Variants in RSRC1 observed in about 807,000 individuals in gnomAD.
RSRC1 encodes serine/Arginine-related protein 53.
RSRC1 carries 39 observed loss-of-function variants against 49.1 expected under a neutral mutation model. That is an observed-to-expected ratio of 0.79 (90% CI 0.61 to 1.04). The LOEUF is 1.04. Among genes scored for constraint, RSRC1 ranks in the 50% least tolerant of loss-of-function variants. The pLI, the probability that RSRC1 is intolerant of heterozygous loss-of-function variation, is 0.00. For missense variants in RSRC1, 388 were observed against 402.4 expected, an observed-to-expected ratio of 0.96 and a Z score of 0.31; for synonymous variants, 143 against 130.8, an observed-to-expected ratio of 1.09 and a Z score of -0.63.
chr3:158,200,329 C>T (rs1184959585), intron 3 of RSRC1, among the ~76,000 whole-genome samples: 3 of 152,184 alleles, frequency 2.0e-5, no homozygotes, highest in Non-Finnish European at 1.5e-5. Flanking sequence ...TGAGCTACCA[C>T]GCCCGGCCTG....
At chr3:158,497,454 T>G (rs1159553518) in intron 7 of RSRC1, among the ~76,000 whole-genome samples, 1 of 149,664 alleles carries the variant, frequency 6.7e-6, no homozygotes, top group Non-Finnish European at 1.5e-5. Flanking sequence ...TTTTTTTTTT[T>G]GAGATGGAGT....
intron 6 of RSRC1, among the ~76,000 whole-genome samples, chr3:158,442,193 G>A (rs1299577395): frequency 6.6e-6 from 1 of 152,082 alleles, no homozygotes; most frequent in Non-Finnish European, 1.5e-5. Flanking sequence ...TGGGATGGCT[G>A]TGGCAGTTTC....
intron 4 of RSRC1, among the ~76,000 whole-genome samples, chr3:158,239,331 G>A (rs1664373053): frequency 6.6e-6 from 1 of 152,160 alleles, no homozygotes; most frequent in Admixed American, 6.5e-5. Context: ...AACTAGAAAT[G>A]CCATTTGACA....
chr3:158,213,006 T>A (rs952849459), intron 4 of RSRC1, among the ~76,000 whole-genome samples: 6 of 151,940 alleles, frequency 3.9e-5, no homozygotes, highest in African/African-American at 1.4e-4. Context: ...TGGAACAGAT[T>A]GGAATAAACC....
At chr3:158,207,681 A>G (rs748315895) in intron 4 of RSRC1, among the ~76,000 whole-genome samples, 3 of 152,192 alleles carry the variant, frequency 2.0e-5, no homozygotes, top group Non-Finnish European at 4.4e-5. Flanking sequence ...AGACAGACAG[A>G]CAGACAGGAC....
At chr3:158,407,883 A>T (rs577620651) in intron 6 of RSRC1, among the ~76,000 whole-genome samples, 1 of 152,298 alleles carries the variant, frequency 6.6e-6, no homozygotes, top group Non-Finnish European at 1.5e-5. Flanking sequence ...CTTACAGATC[A>T]TAGAATTCTT....
chr3:158,263,589 G>A (rs962670451), intron 4 of RSRC1, among the ~76,000 whole-genome samples: 11 of 152,184 alleles, frequency 7.2e-5, no homozygotes, highest in African/African-American at 2.6e-4. Flanking sequence ...AGTGTGTAGA[G>A]AATTTGTATT....
chr3:158,247,004 T>G (rs1443459798), intron 4 of RSRC1, among the ~76,000 whole-genome samples: 1 of 152,136 alleles, frequency 6.6e-6, no homozygotes, highest in Non-Finnish European at 1.5e-5. Context: ...TCCCTCACTT[T>G]CAGGTACCCC....
intron 4 of RSRC1, among the ~76,000 whole-genome samples, chr3:158,203,755 G>C (rs1721203295): frequency 6.6e-6 from 1 of 152,124 alleles, no homozygotes; most frequent in South Asian, 2.1e-4. Flanking sequence ...ATTAGGGTAT[G>C]TGTGTGTTTG....
chr3:158,206,623 A>G (rs1238936620), intron 4 of RSRC1, among the ~76,000 whole-genome samples: 1 of 152,130 alleles, frequency 6.6e-6, no homozygotes, highest in African/African-American at 2.4e-5. Flanking sequence ...ACGTAAAAAG[A>G]TAAGCATCGG....
At chr3:158,393,647 A>T (rs1733450545) in intron 6 of RSRC1, among the ~76,000 whole-genome samples, 1 of 152,038 alleles carries the variant, frequency 6.6e-6, no homozygotes, top group Non-Finnish European at 1.5e-5. Context: ...ACAAGTAATG[A>T]GTTTTGAAAT....
chr3:158,429,020 G>A (rs889691242), intron 6 of RSRC1, among the ~76,000 whole-genome samples: 5 of 151,826 alleles, frequency 3.3e-5, no homozygotes, highest in Non-Finnish European at 5.9e-5. Context: ...AGTTCAAATG[G>A]CAGCCTCCTG....
intron 7 of RSRC1, among the ~76,000 whole-genome samples, chr3:158,523,882 A>T (rs182540312): frequency 6.6e-6 from 1 of 152,062 alleles, no homozygotes; most frequent in Admixed American, 6.6e-5. Flanking sequence ...CTCAATAAGT[A>T]TTGTTCTTTG....
chr3:158,135,941 G>A (rs1716345901), intron 3 of RSRC1, among the ~76,000 whole-genome samples: 1 of 152,128 alleles, frequency 6.6e-6, no homozygotes, highest in African/African-American at 2.4e-5. Context: ...CCTTAGGCTG[G>A]GATTTCCTTA....
At chr3:158,486,449 A>G (rs1211398106) in intron 7 of RSRC1, among the ~76,000 whole-genome samples, 5 of 152,120 alleles carry the variant, frequency 3.3e-5, no homozygotes, top group Non-Finnish European at 7.4e-5. Flanking sequence ...TTTGCAGCCT[A>G]TTGAGGGGGA....
At chr3:158,198,642 C>A (rs572651642) in intron 3 of RSRC1, among the ~76,000 whole-genome samples, 22 of 152,144 alleles carry the variant, frequency 1.4e-4, no homozygotes, top group African/African-American at 4.6e-4. Flanking sequence ...TGTTCCTTTC[C>A]ATGTTTAGTG....
At position 158,203,207 on chromosome 3, in the gene RSRC1, T is replaced by A. The variant is rs376742600; in HGVS notation, c.456T>A (p.Asp152Glu). The A allele has an allele frequency of 5.8e-5, 93 of 1,607,822 alleles. No homozygotes were observed. The highest frequency in any genetic ancestry group is 7.5e-5 in the Non-Finnish European group (88 of 1,176,942). The change falls in exon 4 of 10, where the codon GAT becomes GAA. Residue 152 changes from aspartate (D) to glutamate (E), a missense_variant. Asp to Glu is a conservative substitution (Grantham distance 45, BLOSUM62 2). Coordinates refer to ENST00000611884, the MANE Select transcript of RSRC1 (RefSeq NM_001271838.2). ...AAGAGAAAAGAGAAAAGGAGAAGGA[T>A]AAAGGGAAGGACAAGGAATTACATA... is the stretch of plus-strand genomic sequence containing the variant. ...RDKEKREKEK[D>E]KGKDKELHNI... is the part of the protein sequence containing the mutation.
intron 6 of RSRC1, among the ~76,000 whole-genome samples, chr3:158,445,895 T>C (rs972096897): frequency 5.3e-5 from 8 of 152,140 alleles, no homozygotes; most frequent in Admixed American, 5.2e-4. Flanking sequence ...GGGATAAATA[T>C]ATTTAAAATT....
chr3:158,435,504 T>G (rs767742751), intron 6 of RSRC1, among the ~76,000 whole-genome samples: 18 of 151,788 alleles, frequency 1.2e-4, no homozygotes, highest in Middle Eastern at 3.5e-3. Context: ...TCTGAAGATT[T>G]TTATTTGATT....
Sources: gnomAD v4.1 joint callset for allele counts (sites outside exome capture counted in the v4.1 genomes callset) on GRCh38, gnomAD v4.1.1 for gene constraint, MANE v1.5 for transcripts, NCBI Gene and HGNC (gene_info 2026-07-23, HGNC 2026-07-21) for gene names.